Variants in ASIC2 observed in about 807,000 individuals in gnomAD.
ASIC2 encodes the protein acid sensing ion channel subunit 2.
Under a neutral mutation model 57.3 loss-of-function variants are expected in ASIC2, and 25 were observed. The observed-to-expected ratio is 0.44, with a 90% CI of 0.32 to 0.61. The LOEUF is 0.61. ASIC2 is among the 20% of genes least tolerant of loss of function. The probability of loss-of-function intolerance (pLI) is 0.06; values close to 1 mark genes in which losing one functional copy is unlikely to be tolerated. For synonymous variants in ASIC2, 319 were observed against 307.5 expected, an observed-to-expected ratio of 1.04 and a Z score of -0.39; for missense variants, 641 against 738.1, an observed-to-expected ratio of 0.87 and a Z score of 1.52.
At chr17:34,001,598 G>A (rs1906341312) in intron 1 of ASIC2, 1 of 152,494 alleles carries the variant, frequency 6.6e-6, no homozygotes, top group East Asian at 1.9e-4. Flanking sequence ...AGCCGGGCTG[G>A]GGCTGTCTGA....
chr17:33,899,816 CACTTA>C (rs1176036719), intron 1 of ASIC2, among the ~76,000 whole-genome samples: 2 of 152,196 alleles, frequency 1.3e-5, no homozygotes, highest in Non-Finnish European at 2.9e-5. Flanking sequence ...TTACCACCAG[CACTTA>C]ACTTATTTCA....
At chr17:33,501,793 A>G (rs1032424189) in intron 1 of ASIC2, among the ~76,000 whole-genome samples, 2 of 152,184 alleles carry the variant, frequency 1.3e-5, no homozygotes, top group Admixed American at 6.5e-5. Flanking sequence ...ATCCTAAAGA[A>G]TTAGTTCCTC....
intron 1 of ASIC2, among the ~76,000 whole-genome samples, chr17:33,998,464 T>C (rs1906232763): frequency 1.3e-5 from 2 of 152,172 alleles, no homozygotes; most frequent in South Asian, 4.1e-4. Context: ...AGTTAGCTTG[T>C]TTATTTAAAA....
intron 1 of ASIC2, chr17:33,572,058 C>T (rs953649843): frequency 1.3e-5 from 2 of 152,246 alleles, no homozygotes; most frequent in Non-Finnish European, 2.9e-5. Context: ...TTTGCCCCAG[C>T]CAACTGACCA....
At chr17:33,610,054 G>GCGCATACA (rs375575593) in intron 1 of ASIC2, among the ~76,000 whole-genome samples, 1 of 144,736 alleles carries the variant, frequency 6.9e-6, no homozygotes, top group Admixed American at 6.9e-5. Flanking sequence ...GGACAGAGGC[G>GCGCATACA]CACACACACA....
chr17:33,119,542 T>A (rs1157176484), intron 1 of ASIC2, among the ~76,000 whole-genome samples: 1 of 152,218 alleles, frequency 6.6e-6, no homozygotes, highest in Non-Finnish European at 1.5e-5. Flanking sequence ...AGCTTGTCAA[T>A]TAAATGAAGC....
At chr17:33,270,952 A>G (rs1567805677) in intron 1 of ASIC2, among the ~76,000 whole-genome samples, 1 of 152,204 alleles carries the variant, frequency 6.6e-6, no homozygotes, top group Admixed American at 6.5e-5. Flanking sequence ...CCAGGATGTT[A>G]GAGCTTGGTC....
chr17:33,788,198 C>A (rs2142134105), intron 1 of ASIC2, among the ~76,000 whole-genome samples: 1 of 151,812 alleles, frequency 6.6e-6, no homozygotes, highest in South Asian at 2.1e-4. Flanking sequence ...TTAAAAGGAA[C>A]ATAAACATAT....
At chr17:33,035,177 G>T (rs555486038) in intron 3 of ASIC2, among the ~76,000 whole-genome samples, 1 of 152,136 alleles carries the variant, frequency 6.6e-6, no homozygotes. Context: ...TTTTTTTAAA[G>T]GTTTCCATAT....
intron 1 of ASIC2, among the ~76,000 whole-genome samples, chr17:33,120,219 C>T (rs2092296410): frequency 6.6e-6 from 1 of 152,236 alleles, no homozygotes; most frequent in Non-Finnish European, 1.5e-5. Context: ...TGTGATGTGA[C>T]ATTTCCTGTG....
At chr17:33,398,407 G>A (rs1910157106) in intron 1 of ASIC2, among the ~76,000 whole-genome samples, 1 of 152,174 alleles carries the variant, frequency 6.6e-6, no homozygotes, top group Admixed American at 6.5e-5. Context: ...TCAAGCCCAT[G>A]ACTTTTGGAA....
chr17:33,869,486 T>G (rs923877172), intron 1 of ASIC2, among the ~76,000 whole-genome samples: 1 of 152,190 alleles, frequency 6.6e-6, no homozygotes, highest in Non-Finnish European at 1.5e-5. Flanking sequence ...GTAGAAACAA[T>G]CTAAATGTCC....
intron 1 of ASIC2, chr17:34,155,591 G>A (rs774029665): frequency 6.4e-5 from 13 of 204,006 alleles, no homozygotes; most frequent in South Asian, 1.9e-4. Flanking sequence ...ACACGCACAC[G>A]CACACACACA....
At chr17:33,540,106 G>A (rs557854135) in intron 1 of ASIC2, among the ~76,000 whole-genome samples, 80 of 152,188 alleles carry the variant, frequency 5.3e-4, no homozygotes, top group African/African-American at 1.6e-3. Flanking sequence ...TCGAGGTGTC[G>A]GTAGAGTTGG....
intron 1 of ASIC2, among the ~76,000 whole-genome samples, chr17:33,659,784 A>G (rs1964998543): frequency 1.3e-5 from 2 of 151,984 alleles, no homozygotes; most frequent in South Asian, 4.1e-4. Context: ...AGGCAGGAGA[A>G]TGGCGTGAAC....
intron 1 of ASIC2, among the ~76,000 whole-genome samples, chr17:33,190,233 T>C (rs1331617337): frequency 2.0e-5 from 3 of 152,202 alleles, no homozygotes; most frequent in Non-Finnish European, 2.9e-5. Flanking sequence ...TGTTTCAATA[T>C]AGTATAATGG....
chr17:33,768,064 A>T (rs987309109), intron 1 of ASIC2, among the ~76,000 whole-genome samples: 2 of 151,358 alleles, frequency 1.3e-5, no homozygotes, highest in Non-Finnish European at 2.9e-5. Context: ...GCTGGGGTGC[A>T]GTGGCGCGAT....
intron 1 of ASIC2, among the ~76,000 whole-genome samples, chr17:34,052,228 C>T (rs1908594789): frequency 6.6e-6 from 1 of 152,168 alleles, no homozygotes. Flanking sequence ...ACTGATCCTT[C>T]CAGACCTTAT....
rs1426090433 is a variant in ASIC2, at chr17:33,150,098, G to A, written c.709-38031C>T. ...CTTACTCAAGTTTAGGGAGTTGGCA[G>A]TTGACACACAGCTTTCCTGACATTT... On this transcript the variant is annotated intron_variant, in intron 1 of 9. Coordinates refer to ENST00000225823, the MANE Select transcript of ASIC2 (RefSeq NM_183377.2). Among the ~76,000 whole-genome samples, 3 of 152,224 alleles carry A rather than the reference G, an allele frequency of 2.0e-5. No homozygotes were observed. In the East Asian group the frequency reaches 5.8e-4, roughly 29 times the overall value.
Sources: allele counts gnomAD v4.1 joint callset (sites outside exome capture counted in the v4.1 genomes callset), GRCh38; gene constraint gnomAD v4.1.1; transcripts MANE v1.5; gene names NCBI Gene and HGNC (gene_info 2026-07-23, HGNC 2026-07-21).